Variants in SPMIP7 observed in about 807,000 individuals in gnomAD.
SPMIP7 encodes protein SPMIP7.
chr7:50,117,423 CAA>C, the SPMIP7 span: 2 of 233,594 alleles, frequency 8.6e-6, no homozygotes, highest in Non-Finnish European at 1.8e-5. Flanking sequence ...TTGCACACTG[CAA>C]AAAAAAATAT....
the SPMIP7 span, chr7:50,096,081 AG>A: frequency 2.8e-6 from 4 of 1,454,248 alleles, no homozygotes; most frequent in South Asian, 4.6e-5. Flanking sequence ...CTAAAGAAAA[AG>A]GCCATGGATG....
chr7:50,139,025 T>C, the SPMIP7 span, among the ~76,000 whole-genome samples: 55,982 of 151,970 alleles, frequency 0.37, 10,576 homozygotes, highest in South Asian at 0.45. Context: ...TGAATGGTAA[T>C]CGTTTAAATA....
At chr7:50,114,139 A>T in the SPMIP7 span, among the ~76,000 whole-genome samples, 1 of 152,208 alleles carries the variant, frequency 6.6e-6, no homozygotes, top group Non-Finnish European at 1.5e-5. Flanking sequence ...CACTGCCAGT[A>T]GACCTGAAGG....
At chr7:50,121,905 C>T in the SPMIP7 span, among the ~76,000 whole-genome samples, 2 of 152,072 alleles carry the variant, frequency 1.3e-5, no homozygotes, top group African/African-American at 4.8e-5. Flanking sequence ...GATCCTCCGG[C>T]CTCGACCTCC....
the SPMIP7 span, among the ~76,000 whole-genome samples, chr7:50,109,456 A>G: frequency 1.3e-5 from 2 of 151,984 alleles, no homozygotes; most frequent in Non-Finnish European, 2.9e-5. Flanking sequence ...GCTCACTGCA[A>G]CCTCTACCTC....
chr7:50,140,193 T>C, the SPMIP7 span: 6 of 1,469,344 alleles, frequency 4.1e-6, no homozygotes, highest in African/African-American at 7.3e-5. Flanking sequence ...TAAGTAATGT[T>C]TCTCAGTCTT....
chr7:50,139,143 G>T, the SPMIP7 span, among the ~76,000 whole-genome samples: 1 of 152,062 alleles, frequency 6.6e-6, no homozygotes, highest in Non-Finnish European at 1.5e-5. Context: ...GAGGTCAGGA[G>T]ATTGAGACCA....
At chr7:50,104,379 A>G in the SPMIP7 span, 4 of 1,535,992 alleles carry the variant, frequency 2.6e-6, no homozygotes, top group Non-Finnish European at 3.5e-6. Context: ...ATTAAGTCAC[A>G]TATTTACATT....
chr7:50,099,959 C>T, the SPMIP7 span, among the ~76,000 whole-genome samples: 3 of 152,268 alleles, frequency 2.0e-5, no homozygotes, highest in Admixed American at 6.5e-5. Flanking sequence ...AGGCAACTAC[C>T]GAGAAGTTGG....
chr7:50,130,391 A>G, the SPMIP7 span, among the ~76,000 whole-genome samples: 1 of 152,028 alleles, frequency 6.6e-6, no homozygotes, highest in African/African-American at 2.4e-5. Context: ...GGCAGCTCCC[A>G]TTTATAAAAC....
the SPMIP7 span, among the ~76,000 whole-genome samples, chr7:50,122,440 T>C: frequency 0.47 from 65,612 of 140,880 alleles, 13,324 homozygotes; most frequent in East Asian, 0.68. Flanking sequence ...GACTTAAACG[T>C]TAGACCTAAA....
chr7:50,156,021 C>A, the SPMIP7 span, among the ~76,000 whole-genome samples: 3 of 152,194 alleles, frequency 2.0e-5, no homozygotes, highest in Admixed American at 2.0e-4. Context: ...TCAAGGCCTG[C>A]ACCTCTGCCT....
chr7:50,143,670 G>A, the SPMIP7 span, among the ~76,000 whole-genome samples: 1 of 152,088 alleles, frequency 6.6e-6, no homozygotes, highest in African/African-American at 2.4e-5. Context: ...AAAAATAGTA[G>A]TTTTTATTTT....
chr7:50,105,349 A>G, the SPMIP7 span, among the ~76,000 whole-genome samples: 6 of 152,360 alleles, frequency 3.9e-5, no homozygotes, highest in East Asian at 1.2e-3. Context: ...ACCCATATTC[A>G]TTAGCAGTAA....
At chr7:50,125,315 TATAC>T in the SPMIP7 span, among the ~76,000 whole-genome samples, 8 of 19,540 alleles carry the variant, frequency 4.1e-4, no homozygotes, top group East Asian at 0.011. Context: ...TATACCCATA[TATAC>T]ATATATACAC....
chr7:50,142,957 C>A, the SPMIP7 span: 1 of 152,162 alleles, frequency 6.6e-6, no homozygotes, highest in African/African-American at 2.4e-5. Context: ...CATAGGAGCA[C>A]ATGCGCCTAC....
chr7:50,148,137 G>A, the SPMIP7 span, among the ~76,000 whole-genome samples: 1 of 152,176 alleles, frequency 6.6e-6, no homozygotes, highest in African/African-American at 2.4e-5. Context: ...AATTCCCCTT[G>A]TTATGGCCAT....
At chr7:50,140,075 G>A in the SPMIP7 span, 23 of 1,074,132 alleles carry the variant, frequency 2.1e-5, no homozygotes, top group South Asian at 3.6e-4. Flanking sequence ...GAGAAATACT[G>A]TAATAATTTG....
the SPMIP7 span, among the ~76,000 whole-genome samples, chr7:50,116,088 A>G: frequency 6.6e-6 from 1 of 152,160 alleles, no homozygotes; most frequent in Non-Finnish European, 1.5e-5. Context: ...CCAAATAAAT[A>G]TGCAATTAAA....
Sources: gnomAD v4.1 joint callset for allele counts (sites outside exome capture counted in the v4.1 genomes callset) on GRCh38, gnomAD v4.1.1 for gene constraint, MANE v1.5 for transcripts, NCBI Gene and HGNC (gene_info 2026-07-23, HGNC 2026-07-21) for gene names.